Variants in ANKS1B observed in about 807,000 individuals in gnomAD.
The protein encoded by ANKS1B is ankyrin repeat and sterile alpha motif domain-containing protein 1B.
Under a neutral mutation model 148.3 loss-of-function variants are expected in ANKS1B, and 36 were observed. The observed-to-expected ratio is 0.24, with a 90% confidence interval of 0.19 to 0.32. The LOEUF (loss-of-function observed/expected upper bound fraction) is 0.32, where lower values mean the gene tolerates loss of function less well. ANKS1B is among the 10% of genes least tolerant of loss of function. ANKS1B has a pLI of 1.00. For synonymous variants in ANKS1B, 542 were observed against 560.8 expected (o/e 0.97, Z 0.47); for missense variants, 1,157 against 1,542.6 (o/e 0.75, Z 4.19).
chr12:99,425,594 A>G (rs893180611), intron 11 of ANKS1B, among the ~76,000 whole-genome samples: 1 of 152,028 alleles, frequency 6.6e-6, no homozygotes, highest in African/African-American at 2.4e-5. Flanking sequence ...TGCTAAGCAC[A>G]GGATATATTT....
At chr12:99,906,913 A>C (rs1338443694) in intron 1 of ANKS1B, among the ~76,000 whole-genome samples, 1 of 152,232 alleles carries the variant, frequency 6.6e-6, no homozygotes, top group Non-Finnish European at 1.5e-5. Flanking sequence ...TGTGTAAACA[A>C]ATAACCACAA....
At chr12:99,902,149 T>C (rs1283848540) in intron 1 of ANKS1B, among the ~76,000 whole-genome samples, 1 of 152,130 alleles carries the variant, frequency 6.6e-6, no homozygotes, top group African/African-American at 2.4e-5. Flanking sequence ...TCCACTTACA[T>C]AGAATGTGCA....
intron 1 of ANKS1B, among the ~76,000 whole-genome samples, chr12:99,960,003 C>G (rs374107569): frequency 7.2e-5 from 11 of 152,270 alleles, no homozygotes; most frequent in African/African-American, 2.2e-4. Flanking sequence ...CTTTTCTCTA[C>G]TGAAGCATGT....
At chr12:99,052,563 T>TA (rs1341680511) in intron 17 of ANKS1B, among the ~76,000 whole-genome samples, 1 of 148,200 alleles carries the variant, frequency 6.7e-6, no homozygotes, top group Non-Finnish European at 1.5e-5. Flanking sequence ...CCGTCTCTAC[T>TA]AAAAAATACA....
chr12:99,918,434 C>T (rs1181577852), intron 1 of ANKS1B, among the ~76,000 whole-genome samples: 1 of 152,194 alleles, frequency 6.6e-6, no homozygotes, highest in African/African-American at 2.4e-5. Flanking sequence ...ATTTTGGTGC[C>T]TGATTTAAAA....
At chr12:98,981,705 C>T (rs910772547) in intron 17 of ANKS1B, among the ~76,000 whole-genome samples, 10 of 152,296 alleles carry the variant, frequency 6.6e-5, no homozygotes, top group South Asian at 2.1e-4. Flanking sequence ...AAGCCTATTT[C>T]CCAAATCTGT....
chr12:99,332,042 C>T (rs1050979415), intron 12 of ANKS1B, among the ~76,000 whole-genome samples: 2 of 152,020 alleles, frequency 1.3e-5, no homozygotes, highest in African/African-American at 2.4e-5. Context: ...GTAGTCCTTC[C>T]GTTCTATTGA....
intron 8 of ANKS1B, among the ~76,000 whole-genome samples, chr12:99,689,837 C>A (rs958134726): frequency 1.3e-5 from 2 of 152,206 alleles, no homozygotes; most frequent in Non-Finnish European, 2.9e-5. Flanking sequence ...TGGCAGAGAA[C>A]AACTGAACTT....
chr12:99,823,150 C>T (rs1259709044), intron 2 of ANKS1B, among the ~76,000 whole-genome samples: 1 of 151,952 alleles, frequency 6.6e-6, no homozygotes, highest in Admixed American at 6.6e-5. Context: ...TTGGTTTTTG[C>T]TTGTTGAATT....
intron 17 of ANKS1B, among the ~76,000 whole-genome samples, chr12:98,867,628 A>G (rs2099631427): frequency 6.6e-6 from 1 of 152,176 alleles, no homozygotes; most frequent in Non-Finnish European, 1.5e-5. Context: ...TGGGAGGCTG[A>G]GGCGGGCAGA....
chr12:99,416,622 T>C (rs2094917361), intron 11 of ANKS1B, among the ~76,000 whole-genome samples: 1 of 152,236 alleles, frequency 6.6e-6, no homozygotes, highest in African/African-American at 2.4e-5. Context: ...TTTCTTGTGC[T>C]TATTTGCTGC....
intron 9 of ANKS1B, among the ~76,000 whole-genome samples, chr12:99,624,852 C>T (rs1328244281): frequency 1.3e-5 from 2 of 152,040 alleles, no homozygotes; most frequent in Admixed American, 1.3e-4. Context: ...TCTCAAAGAA[C>T]TAAAAATAGA....
intron 1 of ANKS1B, among the ~76,000 whole-genome samples, chr12:99,981,827 G>A (rs186135971): frequency 5.9e-5 from 9 of 152,142 alleles, no homozygotes; most frequent in African/African-American, 1.7e-4. Context: ...TAAAGCAAGC[G>A]GGGAAAAAGT....
intron 12 of ANKS1B, among the ~76,000 whole-genome samples, chr12:99,397,560 A>G (rs558907188): frequency 6.6e-6 from 1 of 152,248 alleles, no homozygotes; most frequent in East Asian, 1.9e-4. Context: ...TGATATAGAA[A>G]AATGGTTAAA....
intron 14 of ANKS1B, among the ~76,000 whole-genome samples, chr12:99,188,372 C>T (rs1037537973): frequency 2.0e-5 from 3 of 152,182 alleles, no homozygotes; most frequent in African/African-American, 7.2e-5. Flanking sequence ...AACTGTCCAT[C>T]CCAAATCAAC....
At chr12:99,027,731 T>C (rs1410672196) in intron 17 of ANKS1B, among the ~76,000 whole-genome samples, 1 of 152,242 alleles carries the variant, frequency 6.6e-6, no homozygotes, top group East Asian at 1.9e-4. Context: ...TGCCTGCATG[T>C]CTTGCATTGA....
intron 17 of ANKS1B, among the ~76,000 whole-genome samples, chr12:98,991,348 T>G (rs1476608621): frequency 1.3e-5 from 2 of 152,252 alleles, no homozygotes; most frequent in African/African-American, 4.8e-5. Context: ...GGGACTTTTA[T>G]CTTGTTAGGT....
At chr12:99,635,984 C>T (rs895220142) in intron 9 of ANKS1B, among the ~76,000 whole-genome samples, 2 of 151,634 alleles carry the variant, frequency 1.3e-5, no homozygotes, top group Non-Finnish European at 1.5e-5. Context: ...CAAGGTCAGC[C>T]TAAGCAAGAT....
At chr12:98,792,168 T>C (rs1191384396) in intron 22 of ANKS1B, among the ~76,000 whole-genome samples, 4 of 152,208 alleles carry the variant, frequency 2.6e-5, no homozygotes, top group African/African-American at 7.2e-5. Context: ...GAAATAAAAG[T>C]TCCAAGACCT....
Sources: gnomAD v4.1 joint callset for allele counts (sites outside exome capture counted in the v4.1 genomes callset) on GRCh38, gnomAD v4.1.1 for gene constraint, MANE v1.5 for transcripts, NCBI Gene and HGNC (gene_info 2026-07-23, HGNC 2026-07-21) for gene names.